The following TMEM132C variants were observed in gnomAD, a reference collection of about 807,000 sequenced individuals.
The protein encoded by TMEM132C is protein phosphatase 1, regulatory subunit 152.
TMEM132C carries 29 observed loss-of-function variants against 61.4 expected under a neutral mutation model. The observed-to-expected ratio is 0.47, with a 90% CI of 0.35 to 0.64. The LOEUF (loss-of-function observed/expected upper bound fraction) is 0.64. Ranked by LOEUF, TMEM132C falls within the 30% of genes least tolerant of loss-of-function variation. The probability of loss-of-function intolerance (pLI) is 0.00; values close to 1 mark genes in which losing one functional copy is unlikely to be tolerated. For missense variants in TMEM132C, 1,408 were observed against 1,476.9 expected (o/e 0.95, Z 0.76); for synonymous variants, 656 against 633.1 (o/e 1.04, Z -0.54).
At chr12:128,546,988 C>T (rs138766462) in intron 3 of TMEM132C, among the ~76,000 whole-genome samples, 73 of 152,250 alleles carry the variant, frequency 4.8e-4, no homozygotes, top group African/African-American at 1.4e-3. Context: ...CTTGGGGTAC[C>T]GAGGTCAGGC....
At chr12:128,429,912 G>A (rs1211892173) in intron 2 of TMEM132C, among the ~76,000 whole-genome samples, 1 of 152,218 alleles carries the variant, frequency 6.6e-6, no homozygotes. Context: ...GAGAGCTAAA[G>A]GGTGCAGCGG....
At chr12:128,492,081 A>G (rs1319205689) in intron 2 of TMEM132C, among the ~76,000 whole-genome samples, 1 of 151,990 alleles carries the variant, frequency 6.6e-6, no homozygotes, top group Admixed American at 6.5e-5. Flanking sequence ...ATTCCCACCT[A>G]TGAGTGAGAA....
intron 2 of TMEM132C, among the ~76,000 whole-genome samples, chr12:128,470,273 A>G (rs1551603): frequency 0.075 from 11,396 of 152,190 alleles, 1,385 homozygotes; most frequent in African/African-American, 0.25. Context: ...CTTATGATGG[A>G]CGATTTCCAA....
intron 2 of TMEM132C, among the ~76,000 whole-genome samples, chr12:128,488,140 G>A (rs539588990): frequency 3.3e-5 from 5 of 152,258 alleles, no homozygotes; most frequent in African/African-American, 1.2e-4. Flanking sequence ...TTACCAACTG[G>A]CTGGAAAAAT....
intron 2 of TMEM132C, among the ~76,000 whole-genome samples, chr12:128,446,415 C>A (rs1012697141): frequency 6.6e-6 from 1 of 152,214 alleles, no homozygotes; most frequent in Non-Finnish European, 1.5e-5. Flanking sequence ...AAATGCCAAG[C>A]GTCTTCCGTA....
Position 128,333,878 on chromosome 12 carries a change from G to A in TMEM132C, c.85+66391G>A, listed in dbSNP as rs948626432. 5.3e-5 allele frequency among the ~76,000 whole-genome samples: 8 copies of A among 151,650 alleles called. No homozygotes were observed. In the East Asian group the frequency reaches 1.4e-3, roughly 26 times the overall value. On this transcript the variant is annotated intron_variant, in intron 1 of 8. Coordinates refer to ENST00000435159, the MANE Select transcript of TMEM132C (RefSeq NM_001136103.3). ...GTGTGGCTCGTGTTTATGTGTGAGAGTGTGTGCCTTGTGTGGTGTGTGTTG... is the reference window on the plus strand; with the variant it reads ...GTGTGGCTCGTGTTTATGTGTGAGAATGTGTGCCTTGTGTGGTGTGTGTTG...
intron 1 of TMEM132C, among the ~76,000 whole-genome samples, chr12:128,320,033 GA>G (rs547411461): frequency 6.6e-6 from 1 of 151,772 alleles, no homozygotes; most frequent in East Asian, 1.9e-4. Flanking sequence ...AAGAAAGAAA[GA>G]AAAAAAACCT....
intron 1 of TMEM132C, among the ~76,000 whole-genome samples, chr12:128,323,640 T>C (rs1347651685): frequency 6.6e-6 from 1 of 152,222 alleles, no homozygotes; most frequent in African/African-American, 2.4e-5. Flanking sequence ...ATAGAATCTA[T>C]GGGCTTTGCC....
intron 3 of TMEM132C, among the ~76,000 whole-genome samples, chr12:128,573,695 T>A (rs953220723): frequency 3.3e-5 from 5 of 151,668 alleles, no homozygotes; most frequent in Admixed American, 1.3e-4. Flanking sequence ...TGCCAGAGGC[T>A]GGAGGAGGGA....
chr12:128,689,037 C>G (rs182850184), intron 5 of TMEM132C, among the ~76,000 whole-genome samples: 1 of 151,922 alleles, frequency 6.6e-6, no homozygotes, highest in Non-Finnish European at 1.5e-5. Context: ...AGGCTGGTCT[C>G]AAACTCCTGA....
intron 1 of TMEM132C, among the ~76,000 whole-genome samples, chr12:128,274,393 A>T (rs1198252861): frequency 6.6e-6 from 1 of 152,122 alleles, no homozygotes; most frequent in Non-Finnish European, 1.5e-5. Context: ...TCACTTATGG[A>T]CTAATTAGGA....
chr12:128,645,129 G>A (rs1479188100), intron 4 of TMEM132C, among the ~76,000 whole-genome samples: 7 of 152,126 alleles, frequency 4.6e-5, no homozygotes, highest in South Asian at 2.1e-4. Flanking sequence ...ACTCCTGGCC[G>A]CACTGGAGAA....
At position 128,600,895 on chromosome 12, in the gene TMEM132C, A is replaced by G. The variant is rs115198721; in HGVS notation, c.1122-15257A>G. ...TTAAATGTAAAAACTATATCCCCCC[A>G]GGGCCTTCTAGTCTTAGCAGTTAGT... is the stretch of plus-strand genomic sequence containing the variant. On this transcript the variant is annotated intron_variant, in intron 3 of 8. Transcript: ENST00000435159. Among the ~76,000 whole-genome samples, 1,065 of 152,282 alleles carry G rather than the reference A, an allele frequency of 7.0e-3. 8 individuals carry two copies. Among genetic ancestry groups the G allele is most frequent in the African/African-American group, 0.02 (811 of 41,574 alleles).
intron 3 of TMEM132C, among the ~76,000 whole-genome samples, chr12:128,590,101 C>T (rs977975068): frequency 1.3e-5 from 2 of 152,214 alleles, no homozygotes; most frequent in South Asian, 4.1e-4. Flanking sequence ...CGAAGGCCTA[C>T]CCATGGGCTC....
chr12:128,327,150 C>A (rs1380939209), intron 1 of TMEM132C, among the ~76,000 whole-genome samples: 1 of 150,002 alleles, frequency 6.7e-6, no homozygotes, highest in Non-Finnish European at 1.5e-5. Context: ...CTGTCTTCCT[C>A]ATTAGCAGAT....
rs916904791 is a variant in TMEM132C at position 128,291,493 on chromosome 12, A to G, written c.85+24006A>G. ...TGCAGCCGACCTGCTGCGGGAGGAG[A>G]TGATGCTGGGATTCCCAGAACAGCA... is the stretch of plus-strand genomic sequence containing the variant. On this transcript the variant is annotated intron_variant, in intron 1 of 8. Transcript: ENST00000435159. 2.0e-5 allele frequency among the ~76,000 whole-genome samples: 3 copies of G among 152,148 alleles called. No individual in the cohort carries two copies. The East Asian group carries it at 5.8e-4, about 29-fold the overall frequency.
At chr12:128,644,057 C>T (rs7134467) in intron 4 of TMEM132C, among the ~76,000 whole-genome samples, 47,734 of 152,124 alleles carry the variant, frequency 0.31, 9,439 homozygotes, top group East Asian at 0.65. Context: ...GAAATATCGC[C>T]TCCCATGCAC....
At chr12:128,318,359 CG>C (rs2135932457) in intron 1 of TMEM132C, among the ~76,000 whole-genome samples, 1 of 152,250 alleles carries the variant, frequency 6.6e-6, no homozygotes, top group Non-Finnish European at 1.5e-5. Context: ...TTCCTGGCAT[CG>C]TACATGTAAC....
intron 2 of TMEM132C, among the ~76,000 whole-genome samples, chr12:128,542,857 T>C (rs1873807379): frequency 3.5e-5 from 3 of 86,744 alleles, no homozygotes; most frequent in Non-Finnish European, 6.5e-5. Flanking sequence ...AATACTTCGA[T>C]GCAAAAAAAA....
Sources: gnomAD v4.1 joint callset for allele counts (sites outside exome capture counted in the v4.1 genomes callset) on GRCh38, gnomAD v4.1.1 for gene constraint, MANE v1.5 for transcripts, NCBI Gene and HGNC (gene_info 2026-07-23, HGNC 2026-07-21) for gene names.